The following ALDH1L1 variants were observed in gnomAD, a reference collection of about 807,000 sequenced individuals.
ALDH1L1 encodes cytosolic 10-formyltetrahydrofolate dehydrogenase.
ALDH1L1 carries 68 observed loss-of-function variants against 101.1 expected under a neutral mutation model. The observed-to-expected ratio is 0.67, with a 90% CI of 0.55 to 0.82. The LOEUF (loss-of-function observed/expected upper bound fraction) is 0.82. Ranked by LOEUF, ALDH1L1 falls within the 40% of genes least tolerant of loss-of-function variation. The pLI, the probability that ALDH1L1 is intolerant of heterozygous loss-of-function variation, is 0.00. For synonymous variants in ALDH1L1, 486 were observed against 470.8 expected (o/e 1.03, Z -0.42); for missense variants, 1,087 against 1,172.7 (o/e 0.93, Z 1.07).
At chr3:126,176,244 G>A (rs1329086869) in intron 1 of ALDH1L1, among the ~76,000 whole-genome samples, 1 of 152,158 alleles carries the variant, frequency 6.6e-6, no homozygotes, top group Non-Finnish European at 1.5e-5. Flanking sequence ...ATACTGTCCA[G>A]ATGTCAGTTC....
rs192780583 is a variant in ALDH1L1 at position 126,157,578 on chromosome 3, C to T, written c.363-70G>A. ...ACGGAGGATGTCCTGGGTACAGGCC[C>T]GTGGACCTGCCACCCTCCAGGAGGC... On this transcript the variant is annotated intron_variant, in intron 3 of 22. Transcript: ENST00000393434. 21 of 1,527,244 alleles carry T rather than the reference C, an allele frequency of 1.4e-5. No homozygotes were observed. The East Asian group carries it at 2.5e-4, about 18-fold the overall frequency. 94.6% of individuals were successfully genotyped at this position (1,527,244 alleles called of 1,614,324 possible).
chr3:126,150,630 C>T, intron 7 of ALDH1L1, 99 bp from the exon 8 acceptor site: 1 of 1,380,806 alleles, frequency 7.2e-7, no homozygotes, highest in Non-Finnish European at 9.7e-7. Flanking sequence ...TCTCGGCTCA[C>T]TACAACCTCC....
chr3:126,142,571 T>C (rs1383569631), intron 9 of ALDH1L1, among the ~76,000 whole-genome samples: 3 of 152,206 alleles, frequency 2.0e-5, no homozygotes, highest in Non-Finnish European at 4.4e-5. Context: ...ACATACCACA[T>C]TAATGGAATG....
chr3:126,170,643 C>G (rs1186634237), intron 1 of ALDH1L1, among the ~76,000 whole-genome samples: 2 of 152,186 alleles, frequency 1.3e-5, no homozygotes, highest in Non-Finnish European at 2.9e-5. Flanking sequence ...TCCACCCCCG[C>G]ATCAGCAGGA....
chr3:126,132,257 G>C (rs2080326908), intron 12 of ALDH1L1, among the ~76,000 whole-genome samples: 1 of 152,156 alleles, frequency 6.6e-6, no homozygotes, highest in Non-Finnish European at 1.5e-5. Flanking sequence ...AGGGCAGCTC[G>C]GGCCCAGAGG....
At chr3:126,151,780 CA>C in intron 7 of ALDH1L1, 1 of 156,066 alleles carries the variant, frequency 6.4e-6, no homozygotes. Context: ...CCAGACTCCA[CA>C]GGGCGTGGCT....
intron 1 of ALDH1L1, among the ~76,000 whole-genome samples, chr3:126,169,524 T>A (rs189529225): frequency 1.1e-4 from 17 of 152,330 alleles, no homozygotes; most frequent in African/African-American, 3.8e-4. Flanking sequence ...TGGCCTCATA[T>A]TTTGTGTGCA....
At chr3:126,152,394 C>G (rs2080822690) in intron 7 of ALDH1L1, 1 of 152,254 alleles carries the variant, frequency 6.6e-6, no homozygotes, top group South Asian at 2.1e-4. Context: ...GATGCTGCTT[C>G]TAGGGAACCT....
At chr3:126,164,571 G>A (rs932039625) in intron 1 of ALDH1L1, among the ~76,000 whole-genome samples, 2 of 152,196 alleles carry the variant, frequency 1.3e-5, no homozygotes. Context: ...TTTTATGGTT[G>A]TGTAATATTC....
chr3:126,112,719 C>T (rs1007383900), intron 19 of ALDH1L1, 63 bp downstream of exon 19: 1 of 1,494,582 alleles, frequency 6.7e-7, no homozygotes, highest in Non-Finnish European at 9.1e-7. Context: ...CCTCCAACCC[C>T]CTCCAGCCAG....
At chr3:126,153,639 A>C in intron 6 of ALDH1L1, 58 bp from the exon 7 acceptor site, 2 of 1,575,092 alleles carry the variant, frequency 1.3e-6, no homozygotes, top group South Asian at 2.4e-5. Context: ...CGAAGCCAGT[A>C]GCCCAGGCAG....
chr3:126,119,880 C>T lies in ALDH1L1; in HGVS notation c.1889-1782G>A, dbSNP rs150177493. On this transcript the variant is annotated intron_variant, in intron 16 of 22. Coordinates refer to ENST00000393434, the MANE Select transcript of ALDH1L1 (RefSeq NM_012190.4). ...TGGCAAGTAAGCACCTGAAACAGTG[C>T]GCAATGTCATTTGTCATTAGAGAAT... is the stretch of plus-strand genomic sequence containing the variant. 5.5e-3 allele frequency among the ~76,000 whole-genome samples: 837 copies of T among 152,236 alleles called. 8 individuals are homozygous for T. Among genetic ancestry groups the T allele is most frequent in the African/African-American group, 0.018 (762 of 41,528 alleles).
At chr3:126,129,100 GT>G (rs1231538225) in intron 14 of ALDH1L1, 1 of 152,464 alleles carries the variant, frequency 6.6e-6, no homozygotes, top group African/African-American at 2.4e-5. Context: ...CCAAAACCAT[GT>G]GCAGACCTTG....
intron 16 of ALDH1L1, among the ~76,000 whole-genome samples, chr3:126,120,433 A>C (rs1325522422): frequency 6.6e-6 from 1 of 152,240 alleles, no homozygotes; most frequent in African/African-American, 2.4e-5. Context: ...CGATGGAGAC[A>C]AGAAAAAGAT....
intron 9 of ALDH1L1, among the ~76,000 whole-genome samples, chr3:126,139,060 C>T (rs1269232825): frequency 2.0e-5 from 3 of 152,230 alleles, no homozygotes; most frequent in East Asian, 1.9e-4. Flanking sequence ...ATATTCCAGA[C>T]GCAGCTTGCT....
In ALDH1L1 at chr3:126,109,944, C is replaced by T; in HGVS notation, c.2347G>A (p.Gly783Arg). ...GCGGACCTGACACACTCTGACTCAC[C>T]TGGCCGAGGGACCTGATTCCCGCCG... ...VCGGNQVPRP[G>R]FFFEPTVFTD... Residue 783 changes from glycine to arginine, a missense_variant and splice_region_variant, in exon 20 of 23, where the codon GGG becomes AGG. By Grantham distance (125) the Gly-to-Arg change is moderately radical. Coordinates refer to ENST00000393434, the MANE Select transcript of ALDH1L1 (RefSeq NM_012190.4). The T allele has an allele frequency of 6.2e-7, 1 of 1,613,772 alleles. No homozygotes were observed. Among genetic ancestry groups the T allele is most frequent in the Non-Finnish European group, 8.5e-7 (1 of 1,179,920 alleles).
chr3:126,171,841 A>G (rs2081283337), intron 1 of ALDH1L1, among the ~76,000 whole-genome samples: 1 of 152,192 alleles, frequency 6.6e-6, no homozygotes, highest in Non-Finnish European at 1.5e-5. Context: ...GTGCAGGCTC[A>G]CTGAAACACT....
intron 16 of ALDH1L1, among the ~76,000 whole-genome samples, chr3:126,123,393 G>T (rs909750138): frequency 2.6e-5 from 4 of 151,882 alleles, no homozygotes; most frequent in Non-Finnish European, 5.9e-5. Flanking sequence ...GAGTAGCTGG[G>T]GTTACAAGCG....
intron 15 of ALDH1L1, 42 bp from the exon 16 acceptor site, chr3:126,124,493 T>A: frequency 6.5e-7 from 1 of 1,542,100 alleles, no homozygotes; most frequent in Non-Finnish European, 8.9e-7. Context: ...AAGGAGGTTT[T>A]TGAAAGTGGG....
Sources: gnomAD v4.1 joint callset for allele counts (sites outside exome capture counted in the v4.1 genomes callset) on GRCh38, gnomAD v4.1.1 for gene constraint, MANE v1.5 for transcripts, NCBI Gene and HGNC (gene_info 2026-07-23, HGNC 2026-07-21) for gene names.